UNC50: variants seen among roughly 807,000 people sequenced by gnomAD.
UNC50 encodes the protein protein unc-50 homolog.
In UNC50, 24 loss-of-function variants were observed where a neutral mutation model predicts 31.5. The ratio of observed to expected loss-of-function variants is 0.76; its 90% CI spans 0.55 to 1.07. UNC50 has a LOEUF of 1.07. Among genes scored for constraint, UNC50 ranks in the 50% least tolerant of loss-of-function variants. The pLI is 0.00. For missense variants in UNC50, 245 were observed against 304.2 expected (o/e 0.81, Z 1.45); for synonymous variants, 118 against 114.7 (o/e 1.03, Z -0.18).
Position 98,618,446 on chromosome 2 carries a change from A to C in UNC50, c.*142A>C, listed in dbSNP as rs1333324954. On this transcript the variant is annotated 3_prime_UTR_variant, in exon 6 of 6. Coordinates refer to ENST00000357765, the MANE Select transcript of UNC50 (RefSeq NM_014044.7). ...CAAATTTGAAGAAATATATATTAAC[A>C]CTGTGGTCAGGTACATTCCTTAAAA... is the stretch of plus-strand genomic sequence containing the variant. 4 of 749,676 alleles carry C rather than the reference A, an allele frequency of 5.3e-6. No homozygotes were observed. Among genetic ancestry groups the C allele is most frequent in the Admixed American group, 3.8e-5 (1 of 26,088 alleles). The allele number at this position is 749,676 out of a possible 1,614,324, so 46.4% of individuals were successfully genotyped here.
chr2:98,613,468 T>C (rs1255908279), intron 3 of UNC50, among the ~76,000 whole-genome samples: 1 of 152,220 alleles, frequency 6.6e-6, no homozygotes, highest in Non-Finnish European at 1.5e-5. Context: ...CTTATAATCA[T>C]GGCAGAAGGC....
intron 3 of UNC50, 110 bp from the exon 4 acceptor site, chr2:98,616,097 T>C (rs1700914983): frequency 9.1e-7 from 1 of 1,101,148 alleles, no homozygotes; most frequent in Admixed American, 2.8e-5. Flanking sequence ...TTTGTCTGTT[T>C]TGTTTACTGG....
intron 1 of UNC50, chr2:98,609,534 A>G: frequency 6.2e-6 from 4 of 641,690 alleles, no homozygotes; most frequent in Non-Finnish European, 1.1e-5. Context: ...TAGGTGATTC[A>G]GAAGGGTGGG....
Position 98,618,440 on chromosome 2 carries a change from A to G in UNC50, c.*136A>G. The G allele has an allele frequency of 1.2e-6, 1 of 801,128 alleles. No individual in the cohort carries two copies. Among genetic ancestry groups the G allele is most frequent in the East Asian group, 3.1e-5 (1 of 32,474 alleles). The allele number at this position is 801,128 out of a possible 1,614,324, so 49.6% of individuals were successfully genotyped here. ...AGTTTGCAAATTTGAAGAAATATAT[A>G]TTAACACTGTGGTCAGGTACATTCC... On this transcript the variant is annotated 3_prime_UTR_variant, in exon 6 of 6. Coordinates refer to ENST00000357765, the MANE Select transcript of UNC50 (RefSeq NM_014044.7).
intron 3 of UNC50, among the ~76,000 whole-genome samples, chr2:98,612,700 C>T (rs751272974): frequency 3.3e-5 from 5 of 152,182 alleles, no homozygotes; most frequent in Non-Finnish European, 7.3e-5. Context: ...TGAGCCACCG[C>T]GCCCAGCCAA....
At chr2:98,609,594 C>G in intron 1 of UNC50, 162 bp from the exon 2 acceptor site, 1 of 1,125,748 alleles carries the variant, frequency 8.9e-7, no homozygotes, top group East Asian at 2.4e-5. Flanking sequence ...GCCCCAAGAC[C>G]CGCCTCAGAA....
chr2:98,610,925 A>G, intron 3 of UNC50, 30 bp downstream of exon 3: 1 of 1,607,060 alleles, frequency 6.2e-7, no homozygotes, highest in Non-Finnish European at 8.5e-7. Context: ...TTTTTCAGAT[A>G]CTGCTGTAGC....
chr2:98,617,639 A>G (rs1369194993), intron 5 of UNC50, among the ~76,000 whole-genome samples: 1 of 152,194 alleles, frequency 6.6e-6, no homozygotes, highest in East Asian at 1.9e-4. Flanking sequence ...AAACATCAAT[A>G]TTTGGAGCCA....
intron 3 of UNC50, among the ~76,000 whole-genome samples, chr2:98,612,698 C>T (rs1700855426): frequency 1.3e-5 from 2 of 152,296 alleles, no homozygotes; most frequent in Middle Eastern, 3.4e-3. Context: ...CGTGAGCCAC[C>T]GCGCCCAGCC....
chr2:98,618,351 A>C lies in UNC50; in HGVS notation c.*47A>C. 2 of 1,505,126 alleles carry C rather than the reference A, an allele frequency of 1.3e-6. No homozygotes were observed. Among genetic ancestry groups the C allele is most frequent in the Non-Finnish European group, 1.8e-6 (2 of 1,123,606 alleles). 93.2% of individuals were successfully genotyped at this position (1,505,126 alleles called of 1,614,324 possible). The stretch of plus-strand genomic sequence containing the variant: ...CGTAACTGTGTCAACAGTATTGTGA[A>C]GTGATCATTTCTTGTAAAACTTGTA... On this transcript the variant is annotated 3_prime_UTR_variant, in exon 6 of 6. Transcript: ENST00000357765.
At chr2:98,618,140 A>AATC (rs1487903787) in intron 5 of UNC50, 28 bp from the exon 6 acceptor site, 1 of 1,450,576 alleles carries the variant, frequency 6.9e-7, no homozygotes, top group African/African-American at 1.5e-5. Context: ...TTTTTTTTTA[A>AATC]ATCAGTTTGG....
chr2:98,614,048 G>GA (rs1700880826), intron 3 of UNC50, among the ~76,000 whole-genome samples: 1 of 152,292 alleles, frequency 6.6e-6, no homozygotes, highest in Non-Finnish European at 1.5e-5. Context: ...TGCCATTCAG[G>GA]AAAAAAATTG....
intron 1 of UNC50, chr2:98,609,489 C>T (rs2104170149): frequency 1.9e-6 from 1 of 539,250 alleles, no homozygotes; most frequent in East Asian, 3.2e-5. Flanking sequence ...TCATCCCTGT[C>T]TCTGTAATGG....
At chr2:98,610,674 G>C (rs1283750356) in intron 2 of UNC50, 101 bp from the exon 3 acceptor site, 4 of 1,439,388 alleles carry the variant, frequency 2.8e-6, no homozygotes, top group Non-Finnish European at 3.8e-6. Context: ...TTAAAGACCT[G>C]TCTCTCCCAC....
chr2:98,614,349 G>A (rs1700886559), intron 3 of UNC50, among the ~76,000 whole-genome samples: 1 of 152,172 alleles, frequency 6.6e-6, no homozygotes, highest in Admixed American at 6.5e-5. Context: ...GAGTGGGTGG[G>A]AGGCTCCTTT....
Position 98,618,202 on chromosome 2 carries a change from G to A in UNC50, c.678G>A (p.Leu226=), listed in dbSNP as rs752976155. The change falls in exon 6 of 6, where the codon CTG becomes CTA. Residue 226 remains leucine (L), a synonymous_variant. Transcript: ENST00000357765. ...LPFLKNTVIL[L]YPFAPLILLY... Reference sequence around the variant, plus strand: ...TTTTGAAAAATACAGTAATTCTTCTGTATCCATTTGCACCTCTGATTCTGC... The same window carrying A: ...TTTTGAAAAATACAGTAATTCTTCTATATCCATTTGCACCTCTGATTCTGC... The A allele has an allele frequency of 3.1e-6, 5 of 1,596,136 alleles. No individual in the cohort carries two copies. In the South Asian group the frequency reaches 3.4e-5, roughly 11 times the overall value.
chr2:98,616,170 CATTTT>C (rs1372021046), intron 3 of UNC50, 32 bp from the exon 4 acceptor site: 58 of 1,588,560 alleles, frequency 3.7e-5, no homozygotes, highest in Non-Finnish European at 5.0e-5. Flanking sequence ...TTACAGAATT[CATTTT>C]ATTATGAAAG....
chr2:98,618,033 G>GCAT (rs1450800292), intron 5 of UNC50, 135 bp from the exon 6 acceptor site: 12 of 947,242 alleles, frequency 1.3e-5, no homozygotes, highest in Admixed American at 8.9e-5. Context: ...GGCATAAATA[G>GCAT]CATCATCTTA....
At chr2:98,610,654 G>A (rs992844727) in intron 2 of UNC50, 121 bp from the exon 3 acceptor site, 1 of 1,270,184 alleles carries the variant, frequency 7.9e-7, no homozygotes, top group African/African-American at 1.5e-5. Context: ...ACACATCTTG[G>A]GAGTTTTGTT....
Sources: allele counts gnomAD v4.1 joint callset (sites outside exome capture counted in the v4.1 genomes callset), GRCh38; gene constraint gnomAD v4.1.1; transcripts MANE v1.5; gene names NCBI Gene and HGNC (gene_info 2026-07-23, HGNC 2026-07-21).